The following ADRA1A variants were observed in gnomAD, a reference collection of about 807,000 sequenced individuals.
The protein encoded by ADRA1A is alpha-1A adrenergic receptor.
In ADRA1A, 31 loss-of-function variants were observed where a neutral mutation model predicts 29.6. That is an observed-to-expected ratio of 1.05 (90% CI 0.79 to 1.41). ADRA1A has a LOEUF of 1.41. Ranked by LOEUF, ADRA1A falls within the 40% of genes most tolerant of loss-of-function variation. The probability of loss-of-function intolerance (pLI) is 0.00; values close to 1 mark genes in which losing one functional copy is unlikely to be tolerated. For synonymous variants in ADRA1A, 311 were observed against 254.3 expected (o/e 1.22, Z -2.12); for missense variants, 619 against 601.1 (o/e 1.03, Z -0.31).
At chr8:26,850,038 C>CAAAAAACAAAAAAA (rs1812507731) in intron 2 of ADRA1A, among the ~76,000 whole-genome samples, 2 of 115,284 alleles carry the variant, frequency 1.7e-5, no homozygotes, top group African/African-American at 6.1e-5. Context: ...AAACAAAAAA[C>CAAAAAACAAAAAAA]AAAAAACAAA....
Position 26,748,747 on chromosome 8 carries a change from G to A in ADRA1A, c.1271C>T (p.Thr424Met), listed in dbSNP as rs61759695. ...CAGCCTGGTGACAGAGCGAGACTTC[G>A]TCTAAAAAAAAAAAAAAAAAAAAGT... is the stretch of plus-strand genomic sequence containing the variant. Residue 424 changes from threonine (T) to methionine (M), a missense_variant and splice_region_variant, in exon 3 of 3, where the codon ACG (threonine) becomes ATG (methionine). Physicochemically the swap from Thr to Met is moderately conservative, Grantham distance 81. Transcript: ENST00000380586. 2.0e-3 allele frequency: 694 copies of A among 340,876 alleles called. 1 individual carries two copies. Among genetic ancestry groups the A allele is most frequent in the Non-Finnish European group, 3.1e-3 (561 of 182,838 alleles). The allele number at this position is 340,876 out of a possible 1,614,324, so 21.1% of individuals were successfully genotyped here. A position where few individuals can be genotyped will look rare whatever the true frequency, so the allele number is the denominator to read the frequency against.
At chr8:26,778,206 G>T (rs918738241) in intron 2 of ADRA1A, among the ~76,000 whole-genome samples, 4 of 152,094 alleles carry the variant, frequency 2.6e-5, no homozygotes, top group African/African-American at 4.8e-5. Context: ...GCATGATTTG[G>T]ACCCCAACGC....
chr8:26,768,798 T>C (rs1032882712), downstream of ADRA1A: 4 of 668,488 alleles, frequency 6.0e-6, no homozygotes, highest in Non-Finnish European at 5.5e-6. Flanking sequence ...AGAAAAGAGA[T>C]ACACAAGTTC....
At chr8:26,789,448 G>A (rs1288374683) in intron 2 of ADRA1A, among the ~76,000 whole-genome samples, 2 of 152,098 alleles carry the variant, frequency 1.3e-5, no homozygotes, top group African/African-American at 4.8e-5. Context: ...TGGGAAAATT[G>A]GATATCCATA....
At chr8:26,762,384 C>T (rs954739625), downstream of ADRA1A, among the ~76,000 whole-genome samples, 1 of 152,118 alleles carries the variant, frequency 6.6e-6, no homozygotes, top group Non-Finnish European at 1.5e-5. The surrounding 1 kb of genome is among the most constrained non-coding windows in gnomAD (Gnocchi z 4.0). Flanking sequence ...CTGCCCTGGG[C>T]TCTCTGGAAG....
chr8:26,821,640 C>T lies in ADRA1A; in HGVS notation c.883+42447G>A, dbSNP rs950291350. 5.3e-5 allele frequency among the ~76,000 whole-genome samples: 8 copies of T among 152,150 alleles called. No homozygotes were observed. The highest frequency in any genetic ancestry group is 1.2e-4 in the African/African-American group (5 of 41,442). ...CCAATGGCAACATCTTGCAAAACTA[C>T]GGTACAATATCACAACCAGGATATT... On this transcript the variant is annotated intron_variant, in intron 2 of 2. Coordinates refer to ENST00000380573, the MANE Select transcript of ADRA1A (RefSeq NM_000680.4). This position sits in a 1 kb window ranked among gnomAD's most constrained non-coding sequence, Gnocchi z 5.6.
intron 2 of ADRA1A, among the ~76,000 whole-genome samples, chr8:26,785,631 A>T (rs977382751): frequency 6.6e-6 from 1 of 152,164 alleles, no homozygotes; most frequent in Non-Finnish European, 1.5e-5. Context: ...ACATGAATAC[A>T]TTCAAGCTGA....
chr8:26,864,657 C>T lies in ADRA1A; in HGVS notation c.313G>A (p.Val105Met). 1.2e-6 allele frequency: 2 copies of T among 1,614,200 alleles called. No individual in the cohort carries two copies. Among genetic ancestry groups the T allele is most frequent in the Non-Finnish European group, 1.7e-6 (2 of 1,180,040 alleles). Residue 105 changes from valine to methionine, a missense_variant, in exon 2 of 3, where the codon GTG becomes ATG. Coordinates refer to ENST00000380573, the MANE Select transcript of ADRA1A (RefSeq NM_000680.4). The surrounding 1 kb of genome is among the most constrained non-coding windows in gnomAD (Gnocchi z 8.1). ...GACGCGGTGCAGCACAGCACATCCA[C>T]TGCCGCCCAGATGTTGCAGAAGACC... ...GRVFCNIWAA[V>M]DVLCCTASIM...
At chr8:26,797,997 T>G (rs75563394) in intron 2 of ADRA1A, among the ~76,000 whole-genome samples, 10 of 152,050 alleles carry the variant, frequency 6.6e-5, no homozygotes, top group Admixed American at 3.3e-4. Flanking sequence ...CTTTTTTTTT[T>G]GGGATGGAAT....
chr8:26,814,094 C>G lies in ADRA1A; in HGVS notation c.884-43428G>C, dbSNP rs149197990. ...AGACTGTTTCACATAAAATTTGAGT[C>G]TGGCTGATCCTAACAAAAAGAGGGT... On this transcript the variant is annotated intron_variant, in intron 2 of 2. Transcript: ENST00000380573. 1.3e-3 allele frequency among the ~76,000 whole-genome samples: 194 copies of G among 152,044 alleles called. 2 individuals carry two copies. The highest frequency in any genetic ancestry group is 4.5e-3 in the African/African-American group (186 of 41,470).
chr8:26,824,684 G>A (rs1041394661), intron 2 of ADRA1A, among the ~76,000 whole-genome samples: 3 of 151,948 alleles, frequency 2.0e-5, no homozygotes, highest in South Asian at 2.1e-4. Context: ...GTGCAGACAG[G>A]GCCTATGTTA....
rs964578018 is a variant in ADRA1A, at chr8:26,805,880, C to T, written c.884-35214G>A. Among the ~76,000 whole-genome samples, 2 of 152,150 alleles carry T rather than the reference C, an allele frequency of 1.3e-5. No individual in the cohort carries two copies. The highest frequency in any genetic ancestry group is 4.8e-5 in the African/African-American group (2 of 41,426). On this transcript the variant is annotated intron_variant, in intron 2 of 2. Coordinates refer to ENST00000380573, the MANE Select transcript of ADRA1A (RefSeq NM_000680.4). The surrounding 1 kb of genome is among the most constrained non-coding windows in gnomAD (Gnocchi z 4.8). ...GAGCCAAAGCCAAGTGACGTTGGCC[C>T]TTGATAAAGACACAGCTTATCAGAG...
intron 2 of ADRA1A, among the ~76,000 whole-genome samples, chr8:26,750,428 C>T (rs1165025448): frequency 2.0e-5 from 3 of 152,136 alleles, no homozygotes; most frequent in Non-Finnish European, 4.4e-5. Flanking sequence ...TCTCGAACTC[C>T]TGAGCTCAAG....
At position 26,815,778 on chromosome 8, in the gene ADRA1A, G is replaced by T. The variant is rs1563274958; in HGVS notation, c.884-45112C>A. ...AGCCTCAAATATTTCTATCAGAGAA[G>T]AAGAAGGCTGAAAATTAATGAGCAA... On this transcript the variant is annotated intron_variant, in intron 2 of 2. Transcript: ENST00000380573. The surrounding 1 kb of genome is among the most constrained non-coding windows in gnomAD (Gnocchi z 4.2). 6.6e-6 allele frequency among the ~76,000 whole-genome samples: 1 copy of T among 152,174 alleles called. No homozygotes were observed. The highest frequency in any genetic ancestry group is 1.5e-5 in the Non-Finnish European group (1 of 68,038).
chr8:26,803,082 G>A (rs534716013), intron 2 of ADRA1A, among the ~76,000 whole-genome samples: 16 of 152,230 alleles, frequency 1.1e-4, no homozygotes, highest in South Asian at 6.2e-4. Context: ...ACTGGGAAGC[G>A]TAGTGGGAGG....
At chr8:26,784,598 G>A (rs1367721371) in intron 2 of ADRA1A, among the ~76,000 whole-genome samples, 1 of 152,170 alleles carries the variant, frequency 6.6e-6, no homozygotes, top group African/African-American at 2.4e-5. Context: ...TGAAAATAAT[G>A]AGACTCACTA....
At chr8:26,773,220 C>T (rs937351) in intron 2 of ADRA1A, among the ~76,000 whole-genome samples, 82,710 of 152,036 alleles carry the variant, frequency 0.54, 23,960 homozygotes, top group East Asian at 0.9. Context: ...TCCAAATATA[C>T]TGCAATAATA....
At chr8:26,809,014 A>C (rs982004680) in intron 2 of ADRA1A, among the ~76,000 whole-genome samples, 2 of 152,144 alleles carry the variant, frequency 1.3e-5, no homozygotes, top group Non-Finnish European at 2.9e-5. Flanking sequence ...TTTATTGATG[A>C]GTGAGCTCTT....
intron 2 of ADRA1A, among the ~76,000 whole-genome samples, chr8:26,818,581 G>C (rs780549855): frequency 6.6e-6 from 1 of 151,912 alleles, no homozygotes; most frequent in African/African-American, 2.4e-5. Context: ...TTCCTAGTTC[G>C]TTTTATATGA....
Sources: gnomAD v4.1 joint callset for allele counts (sites outside exome capture counted in the v4.1 genomes callset) on GRCh38, gnomAD v4.1.1 for gene constraint, Gnocchi (gnomAD v3.1) non-coding constraint, MANE v1.5 for transcripts, NCBI Gene and HGNC (gene_info 2026-07-23, HGNC 2026-07-21) for gene names.